Variants in KANSL1 observed in about 807,000 individuals in gnomAD.
The protein encoded by KANSL1 is MLL1/MLL complex subunit KANSL1.
A neutral mutation model predicts 103.6 loss-of-function variants in KANSL1; 22 were observed. That is an observed-to-expected ratio of 0.21 (90% CI 0.15 to 0.30). KANSL1 has a LOEUF of 0.30. Among genes scored for constraint, KANSL1 ranks in the 10% least tolerant of loss-of-function variants. KANSL1 has a pLI of 1.00. For missense variants in KANSL1, 1,337 were observed against 1,399.8 expected (o/e 0.96, Z 0.72); for synonymous variants, 600 against 527.6 (o/e 1.14, Z -1.88).
chr17:46,067,574 T>C lies in KANSL1; in HGVS notation c.1627A>G (p.Arg543Gly). The C allele has an allele frequency of 6.2e-7, 1 of 1,601,738 alleles. No homozygotes were observed. Among genetic ancestry groups the C allele is most frequent in the Non-Finnish European group, 8.6e-7 (1 of 1,168,676 alleles). Residue 543 changes from arginine to glycine, a missense_variant, in exon 5 of 15, where the codon AGA (arginine) becomes GGA (glycine). By Grantham distance (125) the Arg-to-Gly change is moderately radical. This residue lies in a region of KANSL1 where 780 missense variants were observed against 923.4 expected (regional missense o/e 0.84). Transcript: ENST00000432791. ...SLSTKSCGAL[R>G]PVNGVINTLQ... ...GTGTTAATAACTCCATTGACAGGTC[T>C]GAGTGCTCCACATGATTTGGTAGAC...
intron 6 of KANSL1, among the ~76,000 whole-genome samples, chr17:46,062,130 A>AC (rs1359000966): frequency 7.9e-5 from 11 of 138,654 alleles, no homozygotes; most frequent in South Asian, 2.6e-4. Flanking sequence ...AAAAAAAAAA[A>AC]AAAACATGTT....
intron 1 of KANSL1, among the ~76,000 whole-genome samples, chr17:46,191,785 C>T (rs2047337906): frequency 6.6e-6 from 1 of 152,128 alleles, no homozygotes; most frequent in Admixed American, 6.5e-5. Context: ...TTGCTAGCCA[C>T]GTGACAAAGG....
At position 46,066,776 on chromosome 17, in the gene KANSL1, A is replaced by G. The variant is rs765171561; in HGVS notation, c.1653-44T>C. The G allele has an allele frequency of 3.6e-6, 5 of 1,402,108 alleles. No homozygotes were observed. In the African/African-American group the frequency reaches 7.2e-5, roughly 20 times the overall value. 86.9% of individuals were successfully genotyped at this position (1,402,108 alleles called of 1,614,324 possible). A position where few individuals can be genotyped will look rare whatever the true frequency, so the allele number is the denominator to read the frequency against. On this transcript the variant is annotated intron_variant, in intron 5 of 14. Coordinates refer to ENST00000432791, the MANE Select transcript of KANSL1 (RefSeq NM_015443.4). ...GAGTATTCTCAGAACACACAAAGAA[A>G]CAAAATAAATAAACAACAAGAAAAC...
chr17:46,189,063 A>AAAAAAAAAAAAAAAAAAAAAC (rs1418321458), intron 1 of KANSL1, among the ~76,000 whole-genome samples: 1 of 138,628 alleles, frequency 7.2e-6, no homozygotes, highest in African/African-American at 2.8e-5. Context: ...AAAAAAAAAA[A>AAAAAAAAAAAAAAAAAAAAAC]AAAGACAAGC....
At chr17:46,082,644 C>G in intron 3 of KANSL1, 102 bp from the exon 4 acceptor site, 1 of 583,584 alleles carries the variant, frequency 1.7e-6, no homozygotes, top group Non-Finnish European at 3.0e-6. Context: ...ACTAGAGGCC[C>G]CCTCTTCCTC....
chr17:46,035,557 G>A (rs944407948), intron 10 of KANSL1: 2 of 152,098 alleles, frequency 1.3e-5, no homozygotes, highest in Non-Finnish European at 2.9e-5. Flanking sequence ...AGGATATCTG[G>A]TTAACCAAAA....
intron 2 of KANSL1, among the ~76,000 whole-genome samples, chr17:46,127,497 C>T (rs567573082): frequency 6.6e-6 from 1 of 152,198 alleles, no homozygotes; most frequent in African/African-American, 2.4e-5. Context: ...GTTTTATGGG[C>T]GTGGTGGCTC....
chr17:46,119,311 A>C (rs1339074093), intron 2 of KANSL1, among the ~76,000 whole-genome samples: 1 of 127,236 alleles, frequency 7.9e-6, no homozygotes. Context: ...CAGAGTCCTC[A>C]ATTTTCTTTT....
chr17:46,131,429 T>C (rs1300305649), intron 2 of KANSL1, among the ~76,000 whole-genome samples: 1 of 152,248 alleles, frequency 6.6e-6, no homozygotes, highest in Non-Finnish European at 1.5e-5. Context: ...ACATTTGTCA[T>C]ACCTTAATTG....
At chr17:46,064,342 T>G in intron 6 of KANSL1, among the ~76,000 whole-genome samples, 1 of 152,086 alleles carries the variant, frequency 6.6e-6, no homozygotes, top group East Asian at 1.9e-4. Flanking sequence ...TCTCCCTTAT[T>G]TGTCATTAGC....
At chr17:46,061,909 T>C (rs1208089236) in intron 6 of KANSL1, among the ~76,000 whole-genome samples, 1 of 152,016 alleles carries the variant, frequency 6.6e-6, no homozygotes, top group Non-Finnish European at 1.5e-5. Context: ...CTGGCCAACA[T>C]GGTGAAACCT....
chr17:46,166,583 G>A (rs183060762), intron 2 of KANSL1, among the ~76,000 whole-genome samples: 6 of 151,930 alleles, frequency 3.9e-5, no homozygotes, highest in African/African-American at 9.7e-5. Context: ...TCAAATAAGC[G>A]CTTTAGTGTC....
intron 2 of KANSL1, among the ~76,000 whole-genome samples, chr17:46,137,585 A>C (rs1222599951): frequency 6.6e-6 from 1 of 152,240 alleles, no homozygotes; most frequent in East Asian, 1.9e-4. Flanking sequence ...TCTGTTTTGA[A>C]AACTGTTTCG....
intron 2 of KANSL1, among the ~76,000 whole-genome samples, chr17:46,137,488 T>G (rs1182492359): frequency 6.6e-6 from 1 of 152,222 alleles, no homozygotes; most frequent in African/African-American, 2.4e-5. Flanking sequence ...CCAATCAATA[T>G]CTATTGAAAA....
chr17:46,166,830 G>T (rs1290301470), intron 2 of KANSL1, among the ~76,000 whole-genome samples: 2 of 152,260 alleles, frequency 1.3e-5, no homozygotes, highest in East Asian at 1.9e-4. Flanking sequence ...CAGACTAAAA[G>T]CTTAGACAAA....
Position 46,062,134 on chromosome 17 carries a change from A to AAAC in KANSL1, c.1848+4402_1848+4403insGTT, listed in dbSNP as rs67483415. Among the ~76,000 whole-genome samples, 36 of 132,836 alleles carry AAAC rather than the reference A, an allele frequency of 2.7e-4. 1 individual carries two copies. The highest frequency in any genetic ancestry group is 4.7e-4 in the Non-Finnish European group (29 of 61,182). The allele number at this position is 132,836 out of a possible 152,430, so 87.1% of individuals were successfully genotyped here. A position where few individuals can be genotyped will look rare whatever the true frequency, so the allele number is the denominator to read the frequency against. ...ACAAACAAACAAAAAAAAAAAAAAA[A>AAAC]CATGTTACAGCAGATTTACCTCCCC... On this transcript the variant is annotated intron_variant, in intron 6 of 14. Coordinates refer to ENST00000432791, the MANE Select transcript of KANSL1 (RefSeq NM_015443.4).
At chr17:46,143,012 T>C (rs1567723840) in intron 2 of KANSL1, among the ~76,000 whole-genome samples, 1 of 152,284 alleles carries the variant, frequency 6.6e-6, no homozygotes, top group Non-Finnish European at 1.5e-5. Context: ...TTTCAAACTA[T>C]GTTCAATCCA....
chr17:46,084,253 A>G (rs1186453077), intron 3 of KANSL1, among the ~76,000 whole-genome samples: 1 of 152,068 alleles, frequency 6.6e-6, no homozygotes, highest in Non-Finnish European at 1.5e-5. Context: ...GTCGTGGCAC[A>G]TGCCCATAGT....
At chr17:46,147,156 T>C (rs2044753320) in intron 2 of KANSL1, among the ~76,000 whole-genome samples, 1 of 152,366 alleles carries the variant, frequency 6.6e-6, no homozygotes, top group African/African-American at 2.4e-5. Context: ...AGTACTTGCA[T>C]GCAAAAATAT....
Sources: allele counts gnomAD v4.1 joint callset (sites outside exome capture counted in the v4.1 genomes callset), GRCh38; gene constraint gnomAD v4.1.1; regional missense constraint gnomAD v4.1.1; transcripts MANE v1.5; gene names NCBI Gene and HGNC (gene_info 2026-07-23, HGNC 2026-07-21).